Variants in DTNA observed in about 807,000 individuals in gnomAD.
DTNA encodes dystrobrevin alpha, also known as dystrophin-related protein 3.
Under a neutral mutation model 100.7 loss-of-function variants are expected in DTNA, and 43 were observed. The ratio of observed to expected loss-of-function variants is 0.43; its 90% CI spans 0.33 to 0.55. The LOEUF (loss-of-function observed/expected upper bound fraction) is 0.55, where lower values mean the gene tolerates loss of function less well. Ranked by LOEUF, DTNA falls within the 20% of genes least tolerant of loss-of-function variation. DTNA has a pLI of 0.04. For synonymous variants in DTNA, 349 were observed against 347.9 expected (o/e 1.00, Z -0.04); for missense variants, 798 against 953.9 (o/e 0.84, Z 2.15).
chr18:34,772,190 A>G (rs1448480101), intron 3 of DTNA, among the ~76,000 whole-genome samples: 1 of 152,230 alleles, frequency 6.6e-6, no homozygotes, highest in Non-Finnish European at 1.5e-5. Context: ...CATATCAACT[A>G]AAATTTAATT....
At chr18:34,524,010 A>G (rs2042379265) in intron 1 of DTNA, among the ~76,000 whole-genome samples, 1 of 152,174 alleles carries the variant, frequency 6.6e-6, no homozygotes, top group South Asian at 2.1e-4. Context: ...TAGGGATTTG[A>G]GTAGGTCACT....
chr18:34,664,914 C>A (rs1366564464), intron 1 of DTNA, among the ~76,000 whole-genome samples: 2 of 151,592 alleles, frequency 1.3e-5, no homozygotes, highest in Admixed American at 6.6e-5. Context: ...TTTTTTAACC[C>A]CAAAGTAGCA....
At chr18:34,760,852 G>C (rs568243803) in intron 2 of DTNA, among the ~76,000 whole-genome samples, 2 of 152,250 alleles carry the variant, frequency 1.3e-5, no homozygotes, top group Non-Finnish European at 2.9e-5. Flanking sequence ...ATAATTTCTG[G>C]AATATACTAA....
intron 18 of DTNA, 21 bp from the exon 19 acceptor site, chr18:34,877,698 A>G (rs373384511): frequency 2.1e-5 from 34 of 1,608,412 alleles, no homozygotes; most frequent in Middle Eastern, 3.3e-4. Flanking sequence ...GGTTTTTTAA[A>G]TTATTTCTTC....
chr18:34,871,853 C>T (rs1409225300), intron 17 of DTNA, among the ~76,000 whole-genome samples: 3 of 152,196 alleles, frequency 2.0e-5, no homozygotes, highest in Non-Finnish European at 4.4e-5. Flanking sequence ...GTGTCCTACC[C>T]CCAAAAGTCT....
intron 1 of DTNA, among the ~76,000 whole-genome samples, chr18:34,690,500 AC>A (rs1409949482): frequency 6.6e-6 from 1 of 152,100 alleles, no homozygotes; most frequent in Non-Finnish European, 1.5e-5. Flanking sequence ...TGAACTGGGT[AC>A]CTCAGTTGGA....
At chr18:34,814,502 T>C (rs1307232298) in intron 6 of DTNA, among the ~76,000 whole-genome samples, 3 of 150,634 alleles carry the variant, frequency 2.0e-5, no homozygotes, top group Admixed American at 6.6e-5. Flanking sequence ...CTGGACAACA[T>C]AGTAAGATCT....
At position 34,494,919 on chromosome 18, in the gene DTNA, G is replaced by A. The variant is rs192422617; in HGVS notation, c.-2+1405G>A. On this transcript the variant is annotated intron_variant, in intron 1 of 19. Transcript: ENST00000283365. Reference sequence around the variant, plus strand: ...TTTTTTTCTTTTGCTTATTCCAAAGGTGGAAACTTTAGGAAAAAAGTGTTC... The same window carrying A: ...TTTTTTTCTTTTGCTTATTCCAAAGATGGAAACTTTAGGAAAAAAGTGTTC... 4.5e-3 allele frequency among the ~76,000 whole-genome samples: 676 copies of A among 151,836 alleles called. 3 individuals carry two copies. The highest frequency in any genetic ancestry group is 7.9e-3 in the Admixed American group (120 of 15,280).
intron 1 of DTNA, among the ~76,000 whole-genome samples, chr18:34,533,676 T>G (rs937021399): frequency 6.6e-6 from 1 of 152,082 alleles, no homozygotes; most frequent in Non-Finnish European, 1.5e-5. Flanking sequence ...TACACAGAAA[T>G]CATTATGCCG....
chr18:34,664,164 A>G (rs931848130), intron 1 of DTNA, among the ~76,000 whole-genome samples: 4 of 152,116 alleles, frequency 2.6e-5, no homozygotes, highest in African/African-American at 9.7e-5. Context: ...GTTTCTTCAT[A>G]TTTGTCAACC....
intron 1 of DTNA, among the ~76,000 whole-genome samples, chr18:34,577,717 T>C (rs537383833): frequency 1.3e-5 from 2 of 152,328 alleles, no homozygotes; most frequent in South Asian, 4.1e-4. Context: ...TTACTTGACT[T>C]AGAATAGTAG....
intron 1 of DTNA, among the ~76,000 whole-genome samples, chr18:34,611,601 G>A (rs1239926936): frequency 6.6e-6 from 1 of 152,130 alleles, no homozygotes; most frequent in Non-Finnish European, 1.5e-5. Flanking sequence ...GAAATAAAAA[G>A]CACCAGGGGT....
intron 1 of DTNA, among the ~76,000 whole-genome samples, chr18:34,713,932 G>A (rs1318349248): frequency 6.6e-6 from 1 of 152,090 alleles, no homozygotes; most frequent in Non-Finnish European, 1.5e-5. Context: ...TGTTGTTGGT[G>A]TATAAGAATG....
intron 1 of DTNA, among the ~76,000 whole-genome samples, chr18:34,601,637 C>CTT (rs1482315903): frequency 1.3e-5 from 2 of 152,206 alleles, no homozygotes; most frequent in African/African-American, 4.8e-5. Context: ...CAGGTCCATA[C>CTT]TTGGTAAATG....
intron 1 of DTNA, chr18:34,683,396 T>G (rs2078402122): frequency 6.6e-6 from 1 of 152,210 alleles, no homozygotes; most frequent in South Asian, 2.1e-4. Context: ...GTACTTCACT[T>G]AGTTATTTTA....
intron 1 of DTNA, among the ~76,000 whole-genome samples, chr18:34,743,238 T>G (rs918579944): frequency 3.3e-5 from 5 of 152,152 alleles, no homozygotes; most frequent in Non-Finnish European, 7.4e-5. Context: ...AAAATGCCAT[T>G]GTTTACTGCT....
upstream of DTNA, among the ~76,000 whole-genome samples, chr18:34,707,461 A>G (rs1232058703): frequency 6.6e-6 from 1 of 152,172 alleles, no homozygotes; most frequent in Non-Finnish European, 1.5e-5. Flanking sequence ...CTGGCGTCGT[A>G]TTCCCTAGGG....
At chr18:34,796,271 T>C (rs867605661) in intron 4 of DTNA, among the ~76,000 whole-genome samples, 1 of 152,248 alleles carries the variant, frequency 6.6e-6, no homozygotes, top group African/African-American at 2.4e-5. Context: ...GAATTTTGGA[T>C]ATGAAATGTA....
chr18:34,519,564 A>G (rs1293492691), intron 1 of DTNA, among the ~76,000 whole-genome samples: 1 of 152,176 alleles, frequency 6.6e-6, no homozygotes. Flanking sequence ...ACAAGCCTAA[A>G]ATTCTTGTCC....
Sources: gnomAD v4.1 joint callset for allele counts (sites outside exome capture counted in the v4.1 genomes callset) on GRCh38, gnomAD v4.1.1 for gene constraint, MANE v1.5 for transcripts, NCBI Gene and HGNC (gene_info 2026-07-23, HGNC 2026-07-21) for gene names.